ECSIT: variants seen among roughly 807,000 people sequenced by gnomAD.
ECSIT encodes ECSIT signaling integrator, also known as evolutionarily conserved signaling intermediate in Toll pathway, mitochondrial.
Under a neutral mutation model 36.8 loss-of-function variants are expected in ECSIT, and 29 were observed. The observed-to-expected ratio is 0.79, with a 90% CI of 0.59 to 1.08. The LOEUF is 1.08. ECSIT is among the 50% of genes least tolerant of loss of function. The pLI is 0.00. For missense variants in ECSIT, 542 were observed against 581.0 expected (o/e 0.93, Z 0.69); for synonymous variants, 231 against 234.8 (o/e 0.98, Z 0.15).
intron 3 of ECSIT, among the ~76,000 whole-genome samples, 200 bp downstream of exon 3, chr19:11,513,604 G>A (rs73512796): frequency 0.061 from 6,990 of 113,694 alleles, 388 homozygotes; most frequent in African/African-American, 0.14. Context: ...GGGGAGGAGA[G>A]GGAGGGAGGG....
chr19:11,524,110 G>A (rs983506711), intron 1 of ECSIT, among the ~76,000 whole-genome samples: 1 of 151,880 alleles, frequency 6.6e-6, no homozygotes, highest in African/African-American at 2.4e-5. Flanking sequence ...TATAGAGGCT[G>A]GGTTTCCCTC....
At chr19:11,514,789 T>C (rs1037924590) in intron 2 of ECSIT, among the ~76,000 whole-genome samples, 2 of 151,960 alleles carry the variant, frequency 1.3e-5, no homozygotes, top group African/African-American at 4.8e-5. Flanking sequence ...TCCCAAAGTG[T>C]TGGGATTACA....
In ECSIT at chr19:11,516,684, TACACACACACAC is replaced by T. The variant is rs142103677; in HGVS notation, c.96+2379_96+2390del. On this transcript the variant is annotated intron_variant, in intron 2 of 7. Coordinates refer to ENST00000270517, the MANE Select transcript of ECSIT (RefSeq NM_016581.5). ...ATAAATGAATGTGTGTGTGTTTATC[TACACACACACAC>T]ACACACACACAAAACGCTAACAAGT... 4.9e-4 allele frequency among the ~76,000 whole-genome samples: 72 copies of T among 148,354 alleles called. No individual in the cohort carries two copies. The East Asian group carries it at 0.013, about 28-fold the overall frequency.
intron 1 of ECSIT, among the ~76,000 whole-genome samples, chr19:11,527,678 T>G (rs1972243532): frequency 6.6e-6 from 1 of 152,026 alleles, no homozygotes; most frequent in Non-Finnish European, 1.5e-5. Flanking sequence ...GGCAACATAC[T>G]GAGATCCTGT....
intron 2 of ECSIT, among the ~76,000 whole-genome samples, chr19:11,514,471 T>C (rs973717238): frequency 6.6e-6 from 1 of 151,960 alleles, no homozygotes; most frequent in African/African-American, 2.4e-5. Flanking sequence ...CGGAGGCAAC[T>C]TGGTAATATT....
chr19:11,510,743 A>G (rs1048315019), intron 4 of ECSIT: 1 of 151,948 alleles, frequency 6.6e-6, no homozygotes, highest in African/African-American at 2.4e-5. Context: ...AAATGAAGAA[A>G]TGAACTAAAA....
chr19:11,526,323 T>C (rs543815648), intron 1 of ECSIT, among the ~76,000 whole-genome samples: 2 of 152,272 alleles, frequency 1.3e-5, no homozygotes, highest in South Asian at 4.1e-4. Flanking sequence ...TGAGAAGTGG[T>C]GATCTGTGTG....
chr19:11,523,680 C>T (rs756155921), intron 1 of ECSIT: 2 of 730,410 alleles, frequency 2.7e-6, no homozygotes, highest in Non-Finnish European at 4.9e-6. Context: ...TTGATGACAA[C>T]AAGAAACTAG....
intron 2 of ECSIT, among the ~76,000 whole-genome samples, chr19:11,515,668 T>G (rs1464994332): frequency 6.6e-6 from 1 of 152,092 alleles, no homozygotes; most frequent in Non-Finnish European, 1.5e-5. Context: ...GGAGTCTCGC[T>G]CTGTTGCCAG....
intron 2 of ECSIT, among the ~76,000 whole-genome samples, chr19:11,514,532 T>C (rs939055248): frequency 6.7e-6 from 1 of 149,608 alleles, no homozygotes; most frequent in Non-Finnish European, 1.5e-5. Flanking sequence ...TTTTTTTTGG[T>C]TTTTTTTTGA....
chr19:11,506,528 C>CTT (rs1971743925), intron 7 of ECSIT, 100 bp from the exon 8 acceptor site: 3 of 1,004,566 alleles, frequency 3.0e-6, no homozygotes, highest in African/African-American at 2.3e-5. Context: ...CCTTCCACTT[C>CTT]CTTTTTTTTT....
In ECSIT at chr19:11,507,574, T is replaced by C; in HGVS notation, c.946-12A>G. 1.9e-6 allele frequency: 3 copies of C among 1,613,692 alleles called. No homozygotes were observed. The highest frequency in any genetic ancestry group is 1.3e-5 in the African/African-American group (1 of 74,972). ...GTCTCTTCCACTTCCTACTCCAAGGTGGGGAGTGCAGGCGGGGTCAGAGGC... is the reference window on the plus strand; with the variant it reads ...GTCTCTTCCACTTCCTACTCCAAGGCGGGGAGTGCAGGCGGGGTCAGAGGC... On this transcript the variant is annotated splice_polypyrimidine_tract_variant and intron_variant, in intron 6 of 7. Coordinates refer to ENST00000270517, the MANE Select transcript of ECSIT (RefSeq NM_016581.5).
Position 11,506,159 on chromosome 19 carries a change from G to C in ECSIT, c.*25C>G. The C allele has an allele frequency of 6.2e-7, 1 of 1,600,716 alleles. No individual in the cohort carries two copies. The highest frequency in any genetic ancestry group is 8.5e-7 in the Non-Finnish European group (1 of 1,179,188). ...CAGTCCACCGCCTCCTCGGGCCACAGCCCGTGCCCTCGCGCCGGCTCAGAC... is the reference window on the plus strand; with the variant it reads ...CAGTCCACCGCCTCCTCGGGCCACACCCCGTGCCCTCGCGCCGGCTCAGAC... On this transcript the variant is annotated 3_prime_UTR_variant, in exon 8 of 8. Coordinates refer to ENST00000270517, the MANE Select transcript of ECSIT (RefSeq NM_016581.5).
Position 11,514,076 on chromosome 19 carries a change from C to T in ECSIT, c.242G>A (p.Gly81Asp). The T allele has an allele frequency of 6.2e-7, 1 of 1,614,182 alleles. No individual in the cohort carries two copies. Among genetic ancestry groups the T allele is most frequent in the Non-Finnish European group, 8.5e-7 (1 of 1,180,000 alleles). ...GAAGCTCGCCTTGTCCCGTTCCCCA[C>T]CAGGCGCCTGCCCAAACAGGTCCTC... The part of the protein sequence containing the change: ...PFEDLFGQAP[G>D]GERDKASFLQ... Residue 81 changes from glycine to aspartate, a missense_variant, in exon 3 of 8, where the codon GGT becomes GAT. By Grantham distance (94) the Gly-to-Asp change is moderately conservative. Transcript: ENST00000270517.
chr19:11,522,325 T>G, intron 1 of ECSIT: 1 of 710,330 alleles, frequency 1.4e-6, no homozygotes, highest in South Asian at 1.5e-5. Flanking sequence ...GTACCCCACC[T>G]GGACCCATTC....
rs565495588 is a variant in ECSIT, at chr19:11,520,807, G to A, written c.-23-1614C>T. On this transcript the variant is annotated intron_variant, in intron 1 of 7. Transcript: ENST00000270517. ...ATTATAGTCGTGAGCCACCGCACCC[G>A]GGCTTTTTTTTTTTTGAGATGGAGT... is the stretch of plus-strand genomic sequence containing the variant. 3.3e-5 allele frequency among the ~76,000 whole-genome samples: 5 copies of A among 150,738 alleles called. 1 individual carries two copies. The highest frequency in any genetic ancestry group is 1.2e-4 in the African/African-American group (5 of 41,102).
chr19:11,507,167 C>T (rs1427804531), intron 7 of ECSIT, among the ~76,000 whole-genome samples: 2 of 151,998 alleles, frequency 1.3e-5, no homozygotes, highest in Non-Finnish European at 2.9e-5. Flanking sequence ...GGCCGGAGGA[C>T]GAGGGTGTAA....
intron 4 of ECSIT, 44 bp downstream of exon 4, chr19:11,513,012 C>G (rs1599579848): frequency 6.3e-7 from 1 of 1,593,100 alleles, no homozygotes; most frequent in Non-Finnish European, 8.6e-7. Context: ...ATGGCGGGAG[C>G]CTGGCCTGGG....
At chr19:11,527,975 T>C (rs1479437749) in intron 1 of ECSIT, among the ~76,000 whole-genome samples, 1 of 152,034 alleles carries the variant, frequency 6.6e-6, no homozygotes, top group Non-Finnish European at 1.5e-5. Context: ...ACTCCAGGCT[T>C]GACGAACAAG....
Sources: allele counts gnomAD v4.1 joint callset (sites outside exome capture counted in the v4.1 genomes callset), GRCh38; gene constraint gnomAD v4.1.1; transcripts MANE v1.5; gene names NCBI Gene and HGNC (gene_info 2026-07-23, HGNC 2026-07-21).